Variants in ATF2 observed in about 807,000 individuals in gnomAD.
The protein encoded by ATF2 is cyclic AMP-dependent transcription factor ATF-2.
ATF2 carries 24 observed loss-of-function variants against 60.6 expected under a neutral mutation model. The observed-to-expected ratio is 0.40, with a 90% confidence interval of 0.29 to 0.56. ATF2 has a LOEUF of 0.56. ATF2 is among the 20% of genes least tolerant of loss of function. The pLI, the probability that ATF2 is intolerant of heterozygous loss-of-function variation, is 0.54. For synonymous variants in ATF2, 206 were observed against 215.4 expected (o/e 0.96, Z 0.38); for missense variants, 433 against 607.7 (o/e 0.71, Z 3.02).
chr2:175,106,250 G>C (rs946029559), intron 10 of ATF2, among the ~76,000 whole-genome samples: 1 of 152,156 alleles, frequency 6.6e-6, no homozygotes, highest in Non-Finnish European at 1.5e-5. Flanking sequence ...AGAATTCCAG[G>C]CTGAGTGCAG....
rs146145585 is a variant in ATF2 at position 175,118,302 on chromosome 2, C to T, written c.267G>A (p.Ala89=). 318 of 1,610,926 alleles carry T rather than the reference C, an allele frequency of 2.0e-4. 2 individuals carry two copies. The East Asian group carries it at 6.4e-3, about 32-fold the overall frequency. ...CEEVGLFNEL[A]SPFENEFKKA... is the part of the protein sequence containing the mutation. ...TCTTGAATTCATTCTCAAATGGACT[C>T]GCCAACTCATTAAACAAACCCACTT... The change falls in exon 6 of 14, where the codon GCG becomes GCA. Residue 89 remains alanine (A), a synonymous_variant. Coordinates refer to ENST00000264110, the MANE Select transcript of ATF2 (RefSeq NM_001880.4).
At chr2:175,118,661 AACT>A (rs144186416) in intron 5 of ATF2, among the ~76,000 whole-genome samples, 5,008 of 151,766 alleles carry the variant, frequency 0.033, 191 homozygotes, top group African/African-American at 0.092. Context: ...TCAAGAGATA[AACT>A]ATTATTATCT....
intron 2 of ATF2, among the ~76,000 whole-genome samples, chr2:175,146,814 G>C (rs1483182937): frequency 6.6e-6 from 1 of 152,148 alleles, no homozygotes; most frequent in Admixed American, 6.5e-5. Context: ...AAAATAGCAT[G>C]TATAGGGCTC....
In ATF2 at chr2:175,102,494, G is replaced by C. The variant is rs540834035; in HGVS notation, c.829-4901C>G. On this transcript the variant is annotated intron_variant, in intron 10 of 13. Transcript: ENST00000264110. ...TCATAAAAATTAAAGATTTAAGGTG[G>C]GGTGTGATGGCTTATGCCTGTAATC... 2.0e-5 allele frequency among the ~76,000 whole-genome samples: 3 copies of C among 152,222 alleles called. No individual in the cohort carries two copies. The East Asian group carries it at 5.8e-4, about 29-fold the overall frequency.
At chr2:175,110,698 G>A (rs371052153) in intron 10 of ATF2, among the ~76,000 whole-genome samples, 1 of 152,016 alleles carries the variant, frequency 6.6e-6, no homozygotes, top group African/African-American at 2.4e-5. Flanking sequence ...TCGGCCTCCC[G>A]GGTTCAAGCA....
chr2:175,104,823 T>C (rs1003327807), intron 10 of ATF2, among the ~76,000 whole-genome samples: 3 of 151,842 alleles, frequency 2.0e-5, no homozygotes, highest in Non-Finnish European at 4.4e-5. Flanking sequence ...GTTCTACAAG[T>C]ATAATCTAAT....
Position 175,111,496 on chromosome 2 carries a change from A to G in ATF2, c.828+72T>C, listed in dbSNP as rs565154211. ...AATGTGATCTAAATTGTGCATTTGA[A>G]GCAGGCTTTAGTGAAAACATTAATT... On this transcript the variant is annotated intron_variant, in intron 10 of 13. Transcript: ENST00000264110. 4 of 1,330,898 alleles carry G rather than the reference A, an allele frequency of 3.0e-6. No individual in the cohort carries two copies. In the East Asian group the frequency reaches 7.1e-5, roughly 24 times the overall value. The allele number at this position is 1,330,898 out of a possible 1,614,324, so 82.4% of individuals were successfully genotyped here. A position where few individuals can be genotyped will look rare whatever the true frequency, so the allele number is the denominator to read the frequency against.
chr2:175,098,899 T>C (rs904484938), intron 10 of ATF2, among the ~76,000 whole-genome samples: 14 of 152,318 alleles, frequency 9.2e-5, no homozygotes, highest in Middle Eastern at 3.4e-3. Context: ...GAAGCATATA[T>C]GAAAAGATCA....
At chr2:175,153,891 T>C (rs561888853) in intron 1 of ATF2, among the ~76,000 whole-genome samples, 20 of 148,536 alleles carry the variant, frequency 1.3e-4, no homozygotes, top group Admixed American at 9.4e-4. Flanking sequence ...TACAAAAATA[T>C]TTTCATCCTT....
At chr2:175,164,343 G>C (rs1318712310) in intron 1 of ATF2, among the ~76,000 whole-genome samples, 1 of 152,082 alleles carries the variant, frequency 6.6e-6, no homozygotes, top group Non-Finnish European at 1.5e-5. Flanking sequence ...AGATCAGCCT[G>C]GCCAACATGG....
chr2:175,150,726 T>C (rs1171415832), intron 2 of ATF2, among the ~76,000 whole-genome samples: 1 of 152,156 alleles, frequency 6.6e-6, no homozygotes, highest in Admixed American at 6.6e-5. Context: ...GTTTATATTA[T>C]TATTCTTAGA....
At chr2:175,130,329 C>G (rs1417509217) in intron 3 of ATF2, 122 bp from the exon 4 acceptor site, 1 of 547,182 alleles carries the variant, frequency 1.8e-6, no homozygotes, top group Non-Finnish European at 2.9e-6. Flanking sequence ...AAATAAAACA[C>G]TTTTCTGACA....
chr2:175,078,220 C>T (rs1693500899), intron 13 of ATF2, among the ~76,000 whole-genome samples: 2 of 152,196 alleles, frequency 1.3e-5, no homozygotes, highest in Admixed American at 1.3e-4. Flanking sequence ...ATCTTCCCGC[C>T]TTGGCCTCCC....
At chr2:175,113,225 C>T (rs944650836) in intron 9 of ATF2, among the ~76,000 whole-genome samples, 1 of 150,656 alleles carries the variant, frequency 6.6e-6, no homozygotes, top group Non-Finnish European at 1.5e-5. Flanking sequence ...TTCTAACACA[C>T]ATTATTCCAA....
At chr2:175,109,870 GA>G (rs1696047824) in intron 10 of ATF2, among the ~76,000 whole-genome samples, 1 of 152,182 alleles carries the variant, frequency 6.6e-6, no homozygotes, top group African/African-American at 2.4e-5. Flanking sequence ...ACTATGATGT[GA>G]AAAATTTCCT....
At chr2:175,118,521 G>C in intron 5 of ATF2, 152 bp from the exon 6 acceptor site, 2 of 636,266 alleles carry the variant, frequency 3.1e-6, no homozygotes, top group African/African-American at 1.9e-5. Context: ...ACAAAATTTG[G>C]TTAAATTTTT....
chr2:175,084,387 G>A (rs62183058), intron 12 of ATF2, among the ~76,000 whole-genome samples: 6,000 of 149,588 alleles, frequency 0.04, 142 homozygotes, highest in Admixed American at 0.097. Flanking sequence ...GTAAACTATC[G>A]CAAGGACAAA....
At chr2:175,141,912 G>A (rs1322995489) in intron 2 of ATF2, among the ~76,000 whole-genome samples, 2 of 151,996 alleles carry the variant, frequency 1.3e-5, no homozygotes, top group South Asian at 2.1e-4. Flanking sequence ...AACTTCAAAT[G>A]AGAAATATGA....
intron 5 of ATF2, among the ~76,000 whole-genome samples, chr2:175,120,726 T>C (rs987749317): frequency 2.6e-5 from 4 of 151,720 alleles, no homozygotes; most frequent in African/African-American, 9.6e-5. Flanking sequence ...ATAATACTTA[T>C]AAAATATACA....
Sources: allele counts gnomAD v4.1 joint callset (sites outside exome capture counted in the v4.1 genomes callset), GRCh38; gene constraint gnomAD v4.1.1; transcripts MANE v1.5; gene names NCBI Gene and HGNC (gene_info 2026-07-23, HGNC 2026-07-21).